Variants in MRPS25 observed in about 807,000 individuals in gnomAD.
MRPS25 encodes mitochondrial ribosomal protein S25, also known as small ribosomal subunit protein mS25.
In MRPS25, 15 loss-of-function variants were observed where a neutral mutation model predicts 17.3. The ratio of observed to expected loss-of-function variants is 0.87; its 90% confidence interval spans 0.58 to 1.34. MRPS25 has a LOEUF of 1.34. Ranked by LOEUF, MRPS25 falls within the 40% of genes most tolerant of loss-of-function variation. The pLI, the probability that MRPS25 is intolerant of heterozygous loss-of-function variation, is 0.00. For missense variants in MRPS25, 225 were observed against 218.6 expected (o/e 1.03, Z -0.19); for synonymous variants, 94 against 83.3 (o/e 1.13, Z -0.70).
downstream of MRPS25, chr3:15,046,106 C>G (rs573109841): frequency 6.6e-6 from 1 of 152,314 alleles, no homozygotes; most frequent in Non-Finnish European, 1.5e-5. Flanking sequence ...AAGTGTGTTA[C>G]CTACCATACT....
intron 2 of MRPS25, 52 bp downstream of exon 2, chr3:15,059,317 T>C (rs1260120895): frequency 1.5e-5 from 18 of 1,240,168 alleles, no homozygotes; most frequent in Non-Finnish European, 1.3e-5. Context: ...GGACGCAGTC[T>C]CTCCAGGCAT....
At chr3:15,053,287 T>C (rs2042629140) in intron 3 of MRPS25, 93 bp downstream of exon 3, 1 of 1,578,978 alleles carries the variant, frequency 6.3e-7, no homozygotes, top group South Asian at 1.1e-5. Flanking sequence ...TCAGAGAATC[T>C]TACCTCTCAA....
At chr3:15,059,302 AG>A in intron 2 of MRPS25, 66 bp downstream of exon 2, 1 of 1,097,978 alleles carries the variant, frequency 9.1e-7, no homozygotes, top group Non-Finnish European at 1.4e-6. Flanking sequence ...ACGCTCCCAT[AG>A]GAAGGACGCA....
At chr3:15,047,105 A>C (rs1381231619), downstream of MRPS25, 1 of 152,630 alleles carries the variant, frequency 6.6e-6, no homozygotes, top group African/African-American at 2.4e-5. Context: ...TAGTGTGTGT[A>C]TGTGTACATA....
Position 15,049,055 on chromosome 3 carries a change from T to TA in MRPS25, c.*3385dup, listed in dbSNP as rs2042555419. On this transcript the variant is annotated 3_prime_UTR_variant, in exon 4 of 4. Transcript: ENST00000253686. ...ATCACTTTGTTTATGTGATGGCATT[T>TA]AAAAAATAGCATGTTCTTTTTAAAC... 2 of 152,666 alleles carry TA rather than the reference T, an allele frequency of 1.3e-5. No homozygotes were observed. Among genetic ancestry groups the TA allele is most frequent in the South Asian group, 2.1e-4 (1 of 4,832 alleles). 9.5% of individuals were successfully genotyped at this position (152,666 alleles called of 1,614,324 possible).
downstream of MRPS25, chr3:15,048,185 C>T (rs1348346718): frequency 5.9e-5 from 9 of 152,656 alleles, no homozygotes; most frequent in Non-Finnish European, 4.4e-5. Flanking sequence ...GACAGTGGGT[C>T]ATTTAGCCTT....
chr3:15,062,621 T>C (rs1402601819), intron 1 of MRPS25, among the ~76,000 whole-genome samples: 1 of 151,908 alleles, frequency 6.6e-6, no homozygotes, highest in South Asian at 2.1e-4. Context: ...TTTTGTGGAA[T>C]AGAAAGGGGG....
At chr3:15,042,712 G>T (rs2042312443), downstream of MRPS25, 1 of 786,506 alleles carries the variant, frequency 1.3e-6, no homozygotes, top group Non-Finnish European at 2.0e-6. Flanking sequence ...AGAGAGGTGG[G>T]TGGATGGTGG....
At chr3:15,053,748 C>A (rs191098056) in intron 2 of MRPS25, 6 of 464,038 alleles carry the variant, frequency 1.3e-5, no homozygotes, top group African/African-American at 1.2e-4. Context: ...GGCAATTCTC[C>A]CCAGACTGAT....
intron 2 of MRPS25, among the ~76,000 whole-genome samples, chr3:15,056,017 T>G (rs1305788857): frequency 6.6e-6 from 1 of 151,080 alleles, no homozygotes; most frequent in Non-Finnish European, 1.5e-5. Context: ...ATCGAGACCA[T>G]CCTGGCTAAC....
In MRPS25 at chr3:15,049,418, C is replaced by T. The variant is rs905791625; in HGVS notation, c.*3023G>A. ...TGGCTCCTACCTTAGCCTTAGCGGC[C>T]AAGAGGGATTGGGCCCTCTGTGGTC... On this transcript the variant is annotated 3_prime_UTR_variant, in exon 4 of 4. Transcript: ENST00000253686. 5 of 165,688 alleles carry T rather than the reference C, an allele frequency of 3.0e-5. No homozygotes were observed. The South Asian group carries it at 8.1e-4, about 27-fold the overall frequency. 10.3% of individuals were successfully genotyped at this position (165,688 alleles called of 1,614,324 possible).
intron 1 of MRPS25, among the ~76,000 whole-genome samples, chr3:15,059,806 G>A (rs1360274620): frequency 1.3e-5 from 2 of 152,182 alleles, no homozygotes; most frequent in African/African-American, 4.8e-5. Flanking sequence ...ATGAGTGGCA[G>A]TTCATGGAGC....
chr3:15,053,597 A>C (rs1327253833), intron 2 of MRPS25, 130 bp from the exon 3 acceptor site: 1 of 958,306 alleles, frequency 1.0e-6, no homozygotes, highest in Non-Finnish European at 1.6e-6. Flanking sequence ...ACTTGTTTAC[A>C]TAATCTGTAA....
At chr3:15,053,611 T>C (rs751287209) in intron 2 of MRPS25, 144 bp from the exon 3 acceptor site, 1 of 905,154 alleles carries the variant, frequency 1.1e-6, no homozygotes, top group South Asian at 1.4e-5. Flanking sequence ...TCTGTAATAC[T>C]ACCCTTCCTT....
At chr3:15,043,225 G>A, downstream of MRPS25, 1 of 378,066 alleles carries the variant, frequency 2.6e-6, no homozygotes. Context: ...TGATGAAGCA[G>A]CAGATTTTGG....
intron 2 of MRPS25, among the ~76,000 whole-genome samples, chr3:15,054,786 T>C (rs569100701): frequency 3.7e-4 from 56 of 152,290 alleles, no homozygotes; most frequent in African/African-American, 1.3e-3. Context: ...ATATTTATAA[T>C]GCATATATCT....
At chr3:15,055,229 T>C (rs1312501411) in intron 2 of MRPS25, among the ~76,000 whole-genome samples, 2 of 152,188 alleles carry the variant, frequency 1.3e-5, no homozygotes, top group Non-Finnish European at 2.9e-5. Flanking sequence ...CGTACTCCCA[T>C]GGAGCAGGCC....
At chr3:15,046,985 T>A (rs2042477186), downstream of MRPS25, 1 of 152,652 alleles carries the variant, frequency 6.6e-6, no homozygotes, top group Non-Finnish European at 1.5e-5. Context: ...GTGCACTTCG[T>A]ATGTCCAGCC....
chr3:15,044,180 G>A (rs892222784), downstream of MRPS25: 10 of 152,210 alleles, frequency 6.6e-5, no homozygotes, highest in Non-Finnish European at 1.3e-4. Context: ...TTAGGGCCTG[G>A]TAAAGCTGGA....
Sources: gnomAD v4.1 joint callset for allele counts (sites outside exome capture counted in the v4.1 genomes callset) on GRCh38, gnomAD v4.1.1 for gene constraint, MANE v1.5 for transcripts, NCBI Gene and HGNC (gene_info 2026-07-23, HGNC 2026-07-21) for gene names.